NSDHL: variants seen among roughly 807,000 people sequenced by gnomAD.
NSDHL encodes the protein NAD(P) dependent 3-beta-hydroxysteroid dehydrogenase NSDHL, also known as sterol-4-alpha-carboxylate 3-dehydrogenase, decarboxylating.
In NSDHL, 1 loss-of-function variant was observed where a neutral mutation model predicts 23.0. The ratio of observed to expected loss-of-function variants is 0.04; its 90% CI spans 0.02 to 0.21. NSDHL has a LOEUF of 0.21. Among genes scored for constraint, NSDHL ranks in the 10% least tolerant of loss-of-function variants. NSDHL has a pLI of 1.00. For missense variants in NSDHL, 237 were observed against 300.9 expected, an observed-to-expected ratio of 0.79 and a Z score of 1.57; for synonymous variants, 128 against 121.1, an observed-to-expected ratio of 1.06 and a Z score of -0.37.
Position 152,865,948 on chromosome X carries a change from A to C in NSDHL, c.673A>C (p.Lys225Gln). 1 of 1,212,185 alleles carries C rather than the reference A, an allele frequency of 8.2e-7. No homozygotes were observed. Among genetic ancestry groups the C allele is most frequent in the Non-Finnish European group, 1.1e-6 (1 of 895,507 alleles). ...LIEAARNGKM[K>Q]FVIGNGKNLV... Reference sequence around the variant, plus strand: ...CGAGGCAGCCAGGAACGGCAAGATGAAGTTCGTGATTGGGTGAGTCAGCCC... The same window carrying C: ...CGAGGCAGCCAGGAACGGCAAGATGCAGTTCGTGATTGGGTGAGTCAGCCC... Residue 225 changes from lysine (K) to glutamine (Q), a missense_variant, in exon 6 of 8, where the codon AAG becomes CAG. Lys to Gln is a moderately conservative substitution (Grantham distance 53, BLOSUM62 1). Transcript: ENST00000370274.
chrX:152,834,369 C>G (rs1240748993), intron 1 of NSDHL, among the ~76,000 whole-genome samples: 1 of 112,503 alleles, frequency 8.9e-6, no homozygotes, highest in African/African-American at 3.2e-5. Flanking sequence ...CTTTTTTTGT[C>G]CTAAAAGTAA....
chrX:152,866,345 A>G (rs1284880970), intron 6 of NSDHL, among the ~76,000 whole-genome samples: 1 of 112,619 alleles, frequency 8.9e-6, no homozygotes, highest in Non-Finnish European at 1.9e-5. Context: ...TCACAGTACC[A>G]TTGCACTGGA....
chrX:152,844,227 C>G (rs1165207497), intron 1 of NSDHL, among the ~76,000 whole-genome samples: 2 of 112,238 alleles, frequency 1.8e-5, no homozygotes, highest in African/African-American at 6.5e-5. Context: ...GAAAGGCAAG[C>G]TCAGTTCTTT....
intron 3 of NSDHL, among the ~76,000 whole-genome samples, chrX:152,854,069 G>A (rs944852561): frequency 4.5e-5 from 5 of 112,285 alleles, no homozygotes; most frequent in Non-Finnish European, 9.4e-5. Context: ...CAAAGGAGAC[G>A]AGAATCCTTA....
intron 6 of NSDHL, among the ~76,000 whole-genome samples, chrX:152,867,254 C>T (rs1933621056): frequency 8.9e-6 from 1 of 112,171 alleles, no homozygotes; most frequent in Non-Finnish European, 1.9e-5. Flanking sequence ...GGCGTTGGCC[C>T]CGTGTCTCCT....
chrX:152,868,863 C>A lies in NSDHL; in HGVS notation c.869C>A (p.Ala290Asp), dbSNP rs782041671. 2.5e-6 allele frequency: 3 copies of A among 1,209,055 alleles called. No individual in the cohort carries two copies. The highest frequency in any genetic ancestry group is 1.8e-5 in the South Asian group (1 of 56,825). The change falls in exon 8 of 8, where the codon GCC (alanine) becomes GAC (aspartate). Residue 290 changes from alanine to aspartate, a missense_variant. Around this residue, in one of 3 missense-constraint regions of NSDHL, gnomAD observed 117 missense variants for 99.5 expected, o/e 1.18. Transcript: ENST00000370274. ...ATCCTGACAGGCCTCAATTATGAGG[C>A]CCCCAAGTACCACATCCCCTACTGG... is the stretch of plus-strand genomic sequence containing the variant. Reference protein sequence around the residue: ...SRILTGLNYEAPKYHIPYWVA... With the variant: ...SRILTGLNYEDPKYHIPYWVA...
intron 1 of NSDHL, among the ~76,000 whole-genome samples, chrX:152,839,033 A>G (rs1309638616): frequency 8.9e-6 from 1 of 111,867 alleles, no homozygotes; most frequent in Non-Finnish European, 1.9e-5. Context: ...TGTTGAATGG[A>G]TCCCTTTACC....
chrX:152,862,775 T>C (rs781834519), intron 5 of NSDHL, 51 bp downstream of exon 5: 22 of 1,136,310 alleles, frequency 1.9e-5, no homozygotes, highest in Non-Finnish European at 2.3e-5. Flanking sequence ...TTTAGAATCC[T>C]AAGAAAAATG....
chrX:152,834,844 T>G (rs1316336368), intron 1 of NSDHL, among the ~76,000 whole-genome samples: 3 of 112,513 alleles, frequency 2.7e-5, no homozygotes, highest in African/African-American at 9.7e-5. Flanking sequence ...CAAACTCTAC[T>G]GAGGTGTTTG....
At chrX:152,831,932 G>C (rs782524111) in intron 1 of NSDHL, among the ~76,000 whole-genome samples, 1 of 111,697 alleles carries the variant, frequency 9.0e-6, no homozygotes, top group East Asian at 2.8e-4. Context: ...AAATGGAGCT[G>C]CTGCCCTTTG....
intron 1 of NSDHL, among the ~76,000 whole-genome samples, chrX:152,833,582 A>G (rs186663663): frequency 1.8e-5 from 2 of 112,325 alleles, no homozygotes. Flanking sequence ...TGTTATAAGA[A>G]CATGCTGGCT....
At chrX:152,843,594 T>A (rs1299206405) in intron 1 of NSDHL, among the ~76,000 whole-genome samples, 3 of 112,129 alleles carry the variant, frequency 2.7e-5, no homozygotes, top group Admixed American at 9.5e-5. Flanking sequence ...CCCCTCTGTA[T>A]GTCTCTTATA....
At chrX:152,857,268 C>T (rs782016214) in intron 3 of NSDHL, among the ~76,000 whole-genome samples, 1 of 112,401 alleles carries the variant, frequency 8.9e-6, no homozygotes, top group African/African-American at 3.2e-5. Flanking sequence ...GTAGAATTAA[C>T]ATGCTACAGA....
intron 1 of NSDHL, among the ~76,000 whole-genome samples, chrX:152,838,097 G>T (rs1382400612): frequency 8.9e-6 from 1 of 112,137 alleles, no homozygotes; most frequent in African/African-American, 3.2e-5. Flanking sequence ...AGTGTTTATA[G>T]TATTCTCTGA....
At chrX:152,862,415 G>A (rs1556847603) in intron 4 of NSDHL, among the ~76,000 whole-genome samples, 181 bp from the exon 5 acceptor site, 1 of 112,486 alleles carries the variant, frequency 8.9e-6, no homozygotes, top group African/African-American at 3.2e-5. Context: ...GCAAAAGATG[G>A]TGATCTTTGG....
chrX:152,865,765 G>A, intron 5 of NSDHL, 54 bp from the exon 6 acceptor site: 1 of 1,203,623 alleles, frequency 8.3e-7, no homozygotes, highest in African/African-American at 1.7e-5. Context: ...GCACTCTCTT[G>A]GCTTGGGCCT....
At chrX:152,864,459 A>T (rs2285032) in intron 5 of NSDHL, among the ~76,000 whole-genome samples, 22,318 of 111,362 alleles carry the variant, frequency 0.2, 1,859 homozygotes, top group East Asian at 0.49. Flanking sequence ...TATGCCTGAT[A>T]CTGATTGCCA....
chrX:152,868,716 A>G, intron 7 of NSDHL, 68 bp from the exon 8 acceptor site: 2 of 947,225 alleles, frequency 2.1e-6, no homozygotes, highest in Non-Finnish European at 3.0e-6. Flanking sequence ...GCACGGGCTT[A>G]ATAGATGCTT....
chrX:152,864,961 A>G lies in NSDHL; in HGVS notation c.544-858A>G, dbSNP rs1729731681. ...ACAGCAGGAACCGTACTTACCAAGC[A>G]TACAGACACGCACTGAAGCAACTCA... On this transcript the variant is annotated intron_variant, in intron 5 of 7. Coordinates refer to ENST00000370274, the MANE Select transcript of NSDHL (RefSeq NM_015922.3). Among the ~76,000 whole-genome samples the G allele has an allele frequency of 2.7e-5, 3 of 112,320 alleles. No individual in the cohort carries two copies. The Admixed American group carries it at 2.8e-4, about 11-fold the overall frequency.
Sources: allele counts gnomAD v4.1 joint callset (sites outside exome capture counted in the v4.1 genomes callset), GRCh38; gene constraint gnomAD v4.1.1; regional missense constraint gnomAD v4.1.1; transcripts MANE v1.5; gene names NCBI Gene and HGNC (gene_info 2026-07-23, HGNC 2026-07-21).